The following EYS variants were observed in gnomAD, a reference collection of about 807,000 sequenced individuals.
The protein encoded by EYS is protein eyes shut homolog.
EYS carries 250 observed loss-of-function variants against 282.1 expected under a neutral mutation model. That is an observed-to-expected ratio of 0.89 (90% confidence interval 0.80 to 0.98). EYS has a LOEUF of 0.98. Ranked by LOEUF, EYS falls within the 50% of genes least tolerant of loss-of-function variation. The pLI, the probability that EYS is intolerant of heterozygous loss-of-function variation, is 0.00. For missense variants in EYS, 4,016 were observed against 3,709.0 expected (o/e 1.08, Z -2.15); for synonymous variants, 1,355 against 1,282.9 (o/e 1.06, Z -1.20).
At chr6:64,130,970 C>T (rs967932200) in intron 31 of EYS, among the ~76,000 whole-genome samples, 6 of 152,132 alleles carry the variant, frequency 3.9e-5, no homozygotes, top group Non-Finnish European at 7.4e-5. Context: ...TGGGTTCAAG[C>T]GATTCTCCTG....
chr6:64,920,125 G>C (rs1253027770), intron 15 of EYS, among the ~76,000 whole-genome samples: 1 of 151,958 alleles, frequency 6.6e-6, no homozygotes, highest in Non-Finnish European at 1.5e-5. Context: ...TGAGAATGGG[G>C]TATTTTACCA....
chr6:64,725,253 A>C (rs1771714610), intron 22 of EYS, among the ~76,000 whole-genome samples: 1 of 152,096 alleles, frequency 6.6e-6, no homozygotes, highest in South Asian at 2.1e-4. Flanking sequence ...CCTTATATCC[A>C]AGCAGAAAGT....
At chr6:64,897,317 C>T (rs1379826395) in intron 18 of EYS, among the ~76,000 whole-genome samples, 8 of 152,086 alleles carry the variant, frequency 5.3e-5, no homozygotes, top group Non-Finnish European at 2.9e-5. Context: ...AAACAGGGTC[C>T]GCAGTGGACC....
chr6:65,443,271 T>TAG (rs1194809992), intron 5 of EYS, among the ~76,000 whole-genome samples: 1 of 133,874 alleles, frequency 7.5e-6, no homozygotes. Context: ...TGCAAACATA[T>TAG]AGACATGTAT....
chr6:65,529,106 G>A (rs1176609861), intron 2 of EYS, among the ~76,000 whole-genome samples: 3 of 151,816 alleles, frequency 2.0e-5, no homozygotes, highest in African/African-American at 7.3e-5. Context: ...GACTGATTAG[G>A]CTTTAGATTT....
intron 2 of EYS, among the ~76,000 whole-genome samples, chr6:65,569,895 T>C (rs187280591): frequency 5.6e-4 from 86 of 152,290 alleles, no homozygotes; most frequent in African/African-American, 2.0e-3. Context: ...ATTAAGCTCT[T>C]TCTCTATTTT....
intron 22 of EYS, among the ~76,000 whole-genome samples, chr6:64,722,599 A>T (rs140655089): frequency 6.6e-6 from 1 of 152,160 alleles, no homozygotes; most frequent in African/African-American, 2.4e-5. Context: ...TTTAAATGCT[A>T]TTATACTTTA....
intron 15 of EYS, among the ~76,000 whole-genome samples, chr6:64,929,838 A>G (rs1768650078): frequency 1.3e-5 from 2 of 152,198 alleles, no homozygotes; most frequent in Non-Finnish European, 2.9e-5. Flanking sequence ...GATGATCTCA[A>G]ACCATTGATG....
intron 34 of EYS, among the ~76,000 whole-genome samples, chr6:63,997,112 A>T (rs2149800823): frequency 6.6e-6 from 1 of 152,282 alleles, no homozygotes; most frequent in Non-Finnish European, 1.5e-5. Flanking sequence ...AAAGTCCGTG[A>T]CTCTTAAAAT....
At chr6:65,521,866 G>A (rs2087683441) in intron 2 of EYS, among the ~76,000 whole-genome samples, 1 of 152,078 alleles carries the variant, frequency 6.6e-6, no homozygotes, top group South Asian at 2.1e-4. Flanking sequence ...GTCTCGTAGG[G>A]TTCTTGGTAT....
intron 31 of EYS, among the ~76,000 whole-genome samples, chr6:64,199,825 C>T (rs1765407444): frequency 6.6e-6 from 1 of 152,074 alleles, no homozygotes; most frequent in Admixed American, 6.5e-5. Context: ...AAAAAATGCT[C>T]TTAGGTATTT....
At chr6:64,257,605 C>A (rs538174232) in intron 30 of EYS, among the ~76,000 whole-genome samples, 1 of 151,958 alleles carries the variant, frequency 6.6e-6, no homozygotes, top group Non-Finnish European at 1.5e-5. Flanking sequence ...AAGTGATACA[C>A]AATATCAAGC....
At chr6:64,248,183 TTG>T (rs10589491) in intron 30 of EYS, among the ~76,000 whole-genome samples, 75,001 of 145,926 alleles carry the variant, frequency 0.51, 19,342 homozygotes, top group Middle Eastern at 0.57. Flanking sequence ...CAGAAGAAGC[TTG>T]TGTGTGTGTG....
intron 31 of EYS, among the ~76,000 whole-genome samples, chr6:64,115,092 G>C (rs1417508632): frequency 1.3e-5 from 2 of 152,134 alleles, no homozygotes; most frequent in Admixed American, 6.5e-5. Flanking sequence ...GGCTGCTCCA[G>C]GAGTGCCTAC....
intron 22 of EYS, among the ~76,000 whole-genome samples, chr6:64,784,388 T>C (rs1242917800): frequency 1.3e-5 from 2 of 152,180 alleles, no homozygotes; most frequent in Non-Finnish European, 2.9e-5. Context: ...GAAGCTTTAT[T>C]AAGTTTTTTT....
chr6:64,479,322 C>T (rs566689797), intron 26 of EYS, among the ~76,000 whole-genome samples: 97 of 152,012 alleles, frequency 6.4e-4, no homozygotes, highest in African/African-American at 2.2e-3. Flanking sequence ...GTTTTGATTA[C>T]GTCACTTTAC....
chr6:64,303,614 G>A (rs1444263101), intron 30 of EYS, among the ~76,000 whole-genome samples: 7 of 151,888 alleles, frequency 4.6e-5, no homozygotes, highest in South Asian at 2.1e-4. Context: ...AGGCCGAGAC[G>A]GGCGGATCAC....
intron 5 of EYS, among the ~76,000 whole-genome samples, chr6:65,449,422 A>G (rs56381312): frequency 3.6e-4 from 55 of 152,256 alleles, no homozygotes; most frequent in Non-Finnish European, 6.8e-4. Context: ...TTATAATTAA[A>G]AGAATGCATT....
chr6:63,863,058 T>A (rs1434224453), intron 36 of EYS, among the ~76,000 whole-genome samples: 1 of 152,246 alleles, frequency 6.6e-6, no homozygotes, highest in Admixed American at 6.5e-5. Flanking sequence ...ACAGGCTGGA[T>A]GTATTTGCTT....
Sources: allele counts gnomAD v4.1 joint callset (sites outside exome capture counted in the v4.1 genomes callset), GRCh38; gene constraint gnomAD v4.1.1; transcripts MANE v1.5; gene names NCBI Gene and HGNC (gene_info 2026-07-23, HGNC 2026-07-21).